ADAMTSL3: variants seen among roughly 807,000 people sequenced by gnomAD.
ADAMTSL3 encodes ADAMTS-like protein 3.
ADAMTSL3 carries 128 observed loss-of-function variants against 201.7 expected under a neutral mutation model. The ratio of observed to expected loss-of-function variants is 0.63; its 90% CI spans 0.55 to 0.73. The LOEUF is 0.73. ADAMTSL3 is among the 30% of genes least tolerant of loss of function. The probability of loss-of-function intolerance (pLI) is 0.00; values close to 1 mark genes in which losing one functional copy is unlikely to be tolerated. For synonymous variants in ADAMTSL3, 738 were observed against 748.4 expected (o/e 0.99, Z 0.23); for missense variants, 1,990 against 2,119.6 (o/e 0.94, Z 1.20).
Position 83,793,499 on chromosome 15 carries a change from T to G in ADAMTSL3, c.318-11151T>G, listed in dbSNP as rs541924755. The stretch of plus-strand genomic sequence containing the variant: ...TTGTTGTTGTTGTTGTTGTTTGAGA[T>G]GAAGTCTCGCTTTGTTGCCCAGGCT... On this transcript the variant is annotated intron_variant, in intron 4 of 29. Transcript: ENST00000286744. Among the ~76,000 whole-genome samples, 236 of 151,782 alleles carry G rather than the reference T, an allele frequency of 1.6e-3. 1 individual carries two copies. Among genetic ancestry groups the G allele is most frequent in the African/African-American group, 5.5e-3 (229 of 41,444 alleles).
intron 2 of ADAMTSL3, among the ~76,000 whole-genome samples, chr15:83,677,851 T>A (rs1193401290): frequency 6.6e-6 from 1 of 152,118 alleles, no homozygotes; most frequent in Non-Finnish European, 1.5e-5. Flanking sequence ...TTTTTTGTTC[T>A]GCTGTTTCCC....
intron 5 of ADAMTSL3, among the ~76,000 whole-genome samples, chr15:83,814,402 G>C (rs1417218741): frequency 1.3e-5 from 2 of 152,056 alleles, no homozygotes; most frequent in African/African-American, 4.8e-5. Context: ...CTTATCTTCA[G>C]GTAAGATTTA....
intron 16 of ADAMTSL3, among the ~76,000 whole-genome samples, chr15:83,917,225 A>C (rs12900888): frequency 0.14 from 21,397 of 152,284 alleles, 1,912 homozygotes; most frequent in Middle Eastern, 0.33. Flanking sequence ...ACATTCTGAT[A>C]TTCTGTATAC....
intron 4 of ADAMTSL3, among the ~76,000 whole-genome samples, chr15:83,802,662 A>G (rs1415321798): frequency 6.6e-6 from 1 of 152,170 alleles, no homozygotes; most frequent in Admixed American, 6.5e-5. Context: ...TAGGGACAAA[A>G]CCAACCAGTG....
intron 19 of ADAMTSL3, among the ~76,000 whole-genome samples, chr15:83,949,820 G>A (rs980770943): frequency 5.9e-5 from 9 of 152,006 alleles, no homozygotes; most frequent in Non-Finnish European, 1.3e-4. Context: ...TTTGGTAAAT[G>A]TCTATTCAGA....
At chr15:83,991,972 A>G (rs1489273326) in intron 23 of ADAMTSL3, among the ~76,000 whole-genome samples, 2 of 152,192 alleles carry the variant, frequency 1.3e-5, no homozygotes, top group South Asian at 2.1e-4. Flanking sequence ...TTTTGTGAAT[A>G]GCGTTTTATT....
At chr15:83,931,651 C>G (rs2066358702) in intron 17 of ADAMTSL3, among the ~76,000 whole-genome samples, 1 of 152,114 alleles carries the variant, frequency 6.6e-6, no homozygotes, top group African/African-American at 2.4e-5. Context: ...ACATCATATT[C>G]TGTTCCAAAT....
At position 83,982,692 on chromosome 15, in the gene ADAMTSL3, G is replaced by A. The variant is rs2067407877; in HGVS notation, c.3064G>A (p.Glu1022Lys). 1 of 1,608,910 alleles carries A rather than the reference G, an allele frequency of 6.2e-7. No individual in the cohort carries two copies. The highest frequency in any genetic ancestry group is 8.5e-7 in the Non-Finnish European group (1 of 1,179,966). ...MREYPGMDHS[E>K]ANSLGVTWHK... Reference sequence around the variant, plus strand: ...GGAATATCCTGGGATGGACCACAGCGAAGCCAATAGTTTGGGAGTCACATG... The same window carrying A: ...GGAATATCCTGGGATGGACCACAGCAAAGCCAATAGTTTGGGAGTCACATG... Residue 1022 changes from glutamate (E) to lysine (K), a missense_variant, in exon 21 of 30, where the codon GAA (glutamate) becomes AAA (lysine). Transcript: ENST00000286744.
intron 3 of ADAMTSL3, among the ~76,000 whole-genome samples, chr15:83,764,444 C>T (rs929726167): frequency 6.6e-6 from 1 of 152,168 alleles, no homozygotes; most frequent in Non-Finnish European, 1.5e-5. Context: ...TCAATGGTCT[C>T]CCTTGCCCTC....
chr15:83,687,452 C>T (rs373463165), intron 2 of ADAMTSL3, among the ~76,000 whole-genome samples: 3 of 152,164 alleles, frequency 2.0e-5, no homozygotes, highest in African/African-American at 7.2e-5. Context: ...CGTGTGTCTA[C>T]TGGCTACTCT....
chr15:83,718,726 C>T (rs901857118), intron 3 of ADAMTSL3, among the ~76,000 whole-genome samples: 2 of 151,012 alleles, frequency 1.3e-5, no homozygotes, highest in African/African-American at 4.9e-5. Flanking sequence ...AAAATTTGAG[C>T]ATCAATAAAA....
intron 21 of ADAMTSL3, among the ~76,000 whole-genome samples, chr15:83,986,972 T>C (rs1481874710): frequency 1.3e-5 from 2 of 152,224 alleles, no homozygotes; most frequent in Non-Finnish European, 2.9e-5. Context: ...ACCTGTCATG[T>C]AAGGTTCACG....
chr15:83,741,230 A>G (rs1256982767), intron 3 of ADAMTSL3, among the ~76,000 whole-genome samples: 3 of 150,770 alleles, frequency 2.0e-5, no homozygotes, highest in East Asian at 1.9e-4. Context: ...AATACACTAA[A>G]TATTATATTA....
intron 5 of ADAMTSL3, among the ~76,000 whole-genome samples, chr15:83,812,882 G>A (rs779247717): frequency 4.6e-5 from 7 of 152,286 alleles, no homozygotes; most frequent in African/African-American, 1.4e-4. Context: ...TGAGAAGTAC[G>A]TGCTATTTTT....
intron 27 of ADAMTSL3, among the ~76,000 whole-genome samples, chr15:84,025,874 A>G (rs2068296250): frequency 6.6e-6 from 1 of 152,230 alleles, no homozygotes; most frequent in Non-Finnish European, 1.5e-5. Context: ...ACATTATTGA[A>G]ACACATAAAA....
intron 13 of ADAMTSL3, 99 bp from the exon 14 acceptor site, chr15:83,897,759 C>T (rs766757218): frequency 7.4e-7 from 1 of 1,346,802 alleles, no homozygotes; most frequent in East Asian, 2.4e-5. Flanking sequence ...TTGTGTTTAA[C>T]ATTTATGTAG....
chr15:83,792,452 T>C (rs141423416), intron 4 of ADAMTSL3, among the ~76,000 whole-genome samples: 1 of 152,306 alleles, frequency 6.6e-6, no homozygotes, highest in East Asian at 1.9e-4. Context: ...TGTAAATTGG[T>C]ACAGCTACTA....
intron 3 of ADAMTSL3, among the ~76,000 whole-genome samples, chr15:83,722,738 C>A (rs1019785772): frequency 1.3e-5 from 2 of 152,062 alleles, no homozygotes; most frequent in Non-Finnish European, 2.9e-5. Flanking sequence ...ACAGTCTATA[C>A]TGAGAGGACC....
chr15:83,830,678 G>C (rs1223324278), intron 6 of ADAMTSL3, among the ~76,000 whole-genome samples: 3 of 152,182 alleles, frequency 2.0e-5, no homozygotes, highest in Non-Finnish European at 4.4e-5. Flanking sequence ...AACAACAGAA[G>C]TTTATTTTCT....
Sources: gnomAD v4.1 joint callset for allele counts (sites outside exome capture counted in the v4.1 genomes callset) on GRCh38, gnomAD v4.1.1 for gene constraint, MANE v1.5 for transcripts, NCBI Gene and HGNC (gene_info 2026-07-23, HGNC 2026-07-21) for gene names.